SEMA3D: variants seen among roughly 807,000 people sequenced by gnomAD.
The protein encoded by SEMA3D is semaphorin-3D.
Under a neutral mutation model 100.1 loss-of-function variants are expected in SEMA3D, and 84 were observed. That is an observed-to-expected ratio of 0.84 (90% CI 0.70 to 1.01). The LOEUF is 1.01. Ranked by LOEUF, SEMA3D falls within the 50% of genes least tolerant of loss-of-function variation. SEMA3D has a pLI of 0.00. For missense variants in SEMA3D, 875 were observed against 934.1 expected, an observed-to-expected ratio of 0.94 and a Z score of 0.82; for synonymous variants, 312 against 320.7, an observed-to-expected ratio of 0.97 and a Z score of 0.29.
chr7:85,214,792 G>A, the SEMA3D span, among the ~76,000 whole-genome samples: 4 of 151,952 alleles, frequency 2.6e-5, no homozygotes, highest in Non-Finnish European at 2.9e-5. Context: ...CACCGTGCCC[G>A]GCCTGTTTTT....
At chr7:85,167,503 C>G (rs1157603137) in intron 1 of SEMA3D, 2 of 412,168 alleles carry the variant, frequency 4.9e-6, no homozygotes, top group African/African-American at 4.3e-5. Flanking sequence ...TGACTTTGCC[C>G]ATAAAATTAT....
intron 5 of SEMA3D, among the ~76,000 whole-genome samples, chr7:85,080,526 G>A (rs1385284347): frequency 6.6e-6 from 1 of 152,050 alleles, no homozygotes; most frequent in African/African-American, 2.4e-5. Context: ...TGTGGTTAGA[G>A]GTACGATTAA....
At chr7:85,194,975 CA>C in the SEMA3D span, among the ~76,000 whole-genome samples, 4 of 152,176 alleles carry the variant, frequency 2.6e-5, no homozygotes, top group East Asian at 7.7e-4. Context: ...TATCCAAATA[CA>C]GTCACATTTT....
the SEMA3D span, among the ~76,000 whole-genome samples, chr7:85,230,869 A>AT: frequency 0.16 from 23,889 of 152,028 alleles, 4,386 homozygotes; most frequent in African/African-American, 0.44. Flanking sequence ...TGCTTATTGC[A>AT]TTTTATAGTC....
chr7:85,052,101 A>G (rs1014525852), intron 9 of SEMA3D, among the ~76,000 whole-genome samples: 7 of 151,928 alleles, frequency 4.6e-5, no homozygotes, highest in African/African-American at 1.7e-4. Flanking sequence ...AAATCTACAT[A>G]TACACCTACA....
At chr7:85,087,332 T>A (rs767293738) in intron 4 of SEMA3D, among the ~76,000 whole-genome samples, 1 of 152,192 alleles carries the variant, frequency 6.6e-6, no homozygotes, top group Non-Finnish European at 1.5e-5. Context: ...GATACAGATT[T>A]TAAGGATATA....
At chr7:85,229,355 A>G in the SEMA3D span, among the ~76,000 whole-genome samples, 1 of 151,948 alleles carries the variant, frequency 6.6e-6, no homozygotes, top group Non-Finnish European at 1.5e-5. Context: ...GTCCATTGCT[A>G]TTTTTTTAAA....
the SEMA3D span, among the ~76,000 whole-genome samples, chr7:85,248,521 C>T: frequency 1.3e-5 from 2 of 152,246 alleles, no homozygotes; most frequent in African/African-American, 4.8e-5. Context: ...AAAGCTTGCA[C>T]ATAGATGTTT....
Position 84,999,539 on chromosome 7 carries a change from C to T in SEMA3D, c.2235G>A (p.Lys745=). 6.2e-7 allele frequency: 1 copy of T among 1,614,076 alleles called. No individual in the cohort carries two copies. Among genetic ancestry groups the T allele is most frequent in the East Asian group, 2.2e-5 (1 of 44,864 alleles). The stretch of plus-strand genomic sequence containing the variant: ...GCATGTGCTTCCACTTTGGGCCCCC[C>T]TTGTTTCTCTGTCTCCGCTTCTCCC... ...WHREKRRQRN[K]GGPKWKHMQE... Residue 745 remains lysine (K), a synonymous_variant, in exon 19 of 19, where the codon AAG becomes AAA. Coordinates refer to ENST00000284136, the MANE Select transcript of SEMA3D (RefSeq NM_001384900.1).
chr7:85,114,128 G>A lies in SEMA3D; in HGVS notation c.151+7613C>T, dbSNP rs183689483. On this transcript the variant is annotated intron_variant, in intron 3 of 18. Transcript: ENST00000284136. ...ATGAGAGACAAAATGAAAATGTCAA[G>A]GGAATGTTGTGATTCTTACTTCAGA... is the stretch of plus-strand genomic sequence containing the variant. Among the ~76,000 whole-genome samples, 7 of 152,190 alleles carry A rather than the reference G, an allele frequency of 4.6e-5. No homozygotes were observed. In the East Asian group the frequency reaches 1.2e-3, roughly 25 times the overall value.
chr7:85,000,527 C>T (rs1584514896), intron 18 of SEMA3D, among the ~76,000 whole-genome samples: 1 of 152,110 alleles, frequency 6.6e-6, no homozygotes, highest in East Asian at 1.9e-4. Flanking sequence ...AGATTAGCAA[C>T]ATTGAAAGCT....
At chr7:85,139,851 G>T (rs943453700) in intron 2 of SEMA3D, among the ~76,000 whole-genome samples, 7 of 113,724 alleles carry the variant, frequency 6.2e-5, no homozygotes, top group African/African-American at 1.1e-4. Flanking sequence ...CTCTATCAAA[G>T]AATTAGACAA....
At chr7:85,138,532 A>G (rs1043547525) in intron 2 of SEMA3D, among the ~76,000 whole-genome samples, 1 of 150,714 alleles carries the variant, frequency 6.6e-6, no homozygotes, top group South Asian at 2.1e-4. Context: ...CATAACTCAA[A>G]TATCATAATT....
chr7:85,113,269 C>T (rs1327505703), intron 3 of SEMA3D, among the ~76,000 whole-genome samples: 2 of 152,038 alleles, frequency 1.3e-5, no homozygotes, highest in Non-Finnish European at 1.5e-5. Context: ...CTCCATGATT[C>T]CTTACTTATT....
At chr7:85,206,073 C>T in the SEMA3D span, among the ~76,000 whole-genome samples, 524 of 152,136 alleles carry the variant, frequency 3.4e-3, 1 homozygote, top group African/African-American at 0.01. Flanking sequence ...AGGAAAATGA[C>T]GTATCAGGAC....
At chr7:85,144,509 T>C (rs1002835308) in intron 2 of SEMA3D, 5 of 980,066 alleles carry the variant, frequency 5.1e-6, no homozygotes, top group Non-Finnish European at 3.6e-6. Flanking sequence ...AGAATAGAGA[T>C]ATATTTTTTG....
chr7:85,198,038 AC>A, the SEMA3D span, among the ~76,000 whole-genome samples: 1 of 152,216 alleles, frequency 6.6e-6, no homozygotes, highest in Non-Finnish European at 1.5e-5. Flanking sequence ...TTTTCACCAT[AC>A]AAAGCCTTCT....
At chr7:85,184,011 A>G (rs576217283) in intron 1 of SEMA3D, among the ~76,000 whole-genome samples, 2 of 152,238 alleles carry the variant, frequency 1.3e-5, no homozygotes, top group Non-Finnish European at 2.9e-5. Context: ...GGACATTGTT[A>G]AAGAAACTAA....
chr7:85,061,813 T>C (rs1407635180), intron 8 of SEMA3D, among the ~76,000 whole-genome samples: 5 of 152,218 alleles, frequency 3.3e-5, no homozygotes, highest in African/African-American at 9.6e-5. Flanking sequence ...TGTGCTCTTC[T>C]AGCTCTGGCC....
Sources: allele counts gnomAD v4.1 joint callset (sites outside exome capture counted in the v4.1 genomes callset), GRCh38; gene constraint gnomAD v4.1.1; transcripts MANE v1.5; gene names NCBI Gene and HGNC (gene_info 2026-07-23, HGNC 2026-07-21).